Variants in ACSL3 observed in about 807,000 individuals in gnomAD.
ACSL3 encodes the protein acyl-CoA synthetase long chain family member 3, also known as fatty acid CoA ligase Acsl3.
ACSL3 carries 34 observed loss-of-function variants against 84.7 expected under a neutral mutation model. The observed-to-expected ratio is 0.40, with a 90% confidence interval of 0.31 to 0.53. The LOEUF is 0.53. Ranked by LOEUF, ACSL3 falls within the 20% of genes least tolerant of loss-of-function variation. The pLI, the probability that ACSL3 is intolerant of heterozygous loss-of-function variation, is 0.48. For synonymous variants in ACSL3, 315 were observed against 299.4 expected, an observed-to-expected ratio of 1.05 and a Z score of -0.54; for missense variants, 680 against 873.1, an observed-to-expected ratio of 0.78 and a Z score of 2.79.
chr2:222,937,671 T>C (rs1697209885), intron 16 of ACSL3, among the ~76,000 whole-genome samples: 1 of 152,178 alleles, frequency 6.6e-6, no homozygotes, highest in South Asian at 2.1e-4. Context: ...TCCTTCACTT[T>C]AGGTTACGCA....
At chr2:222,870,339 GTC>G (rs1293487707) in intron 1 of ACSL3, among the ~76,000 whole-genome samples, 1 of 152,112 alleles carries the variant, frequency 6.6e-6, no homozygotes, top group African/African-American at 2.4e-5. Flanking sequence ...GTTTGCATGA[GTC>G]TCTTCCTCTT....
chr2:222,889,053 A>C (rs1010018158), intron 2 of ACSL3, among the ~76,000 whole-genome samples: 1 of 152,252 alleles, frequency 6.6e-6, no homozygotes, highest in African/African-American at 2.4e-5. Flanking sequence ...CTAAGAATGC[A>C]TCAAGAGAGT....
intron 3 of ACSL3, 63 bp downstream of exon 3, chr2:222,900,843 C>CAGATAGTT (rs1696125316): frequency 6.6e-6 from 1 of 152,354 alleles, no homozygotes; most frequent in East Asian, 1.9e-4. Context: ...GCTGCCTTCA[C>CAGATAGTT]ATTGTCTTCT....
chr2:222,923,057 T>A (rs1696782733), intron 9 of ACSL3, 21 bp from the exon 10 acceptor site: 5 of 1,586,880 alleles, frequency 3.2e-6, no homozygotes, highest in East Asian at 2.2e-5. Context: ...TTTATATGGA[T>A]CACTTTTTCT....
intron 1 of ACSL3, among the ~76,000 whole-genome samples, chr2:222,864,117 A>G (rs1222224816): frequency 6.6e-6 from 1 of 152,234 alleles, no homozygotes; most frequent in African/African-American, 2.4e-5. Flanking sequence ...AAGAGGTGCT[A>G]AGTGATTACT....
At chr2:222,862,944 C>G (rs531100710) in intron 1 of ACSL3, among the ~76,000 whole-genome samples, 97 of 152,298 alleles carry the variant, frequency 6.4e-4, no homozygotes, top group African/African-American at 2.3e-3. Context: ...GAAAATCATC[C>G]TCTGTCTGGT....
At chr2:222,901,947 A>AG (rs1217286204) in intron 3 of ACSL3, among the ~76,000 whole-genome samples, 1 of 36,386 alleles carries the variant, frequency 2.7e-5, no homozygotes, top group Non-Finnish European at 4.3e-5. Flanking sequence ...CGGTCTCAAA[A>AG]AAAAAAAAAA....
rs768870128 is a variant in ACSL3 at position 222,922,701 on chromosome 2, C to G, written c.957-7C>G. 9 of 1,613,710 alleles carry G rather than the reference C, an allele frequency of 5.6e-6. No homozygotes were observed. The South Asian group carries it at 7.7e-5, about 14-fold the overall frequency. On this transcript the variant is annotated splice_polypyrimidine_tract_variant and splice_region_variant and intron_variant, in intron 8 of 16. Transcript: ENST00000357430. Reference sequence around the variant, plus strand: ...CTTTTGTTTCTGACGTCTCCCTTTTCTTTTAGAGAGGAAGATGTCTACATT... The same window carrying G: ...CTTTTGTTTCTGACGTCTCCCTTTTGTTTTAGAGAGGAAGATGTCTACATT...
intron 3 of ACSL3, among the ~76,000 whole-genome samples, chr2:222,901,292 A>T (rs535475995): frequency 6.6e-6 from 1 of 152,184 alleles, no homozygotes; most frequent in East Asian, 1.9e-4. Flanking sequence ...TTATTTCAGT[A>T]CCATTTGTTG....
intron 1 of ACSL3, among the ~76,000 whole-genome samples, chr2:222,876,332 T>G (rs886694119): frequency 7.9e-5 from 12 of 152,150 alleles, no homozygotes; most frequent in Admixed American, 2.0e-4. Context: ...TTGTTTGTTT[T>G]TTTGTTTTTT....
intron 6 of ACSL3, among the ~76,000 whole-genome samples, chr2:222,918,424 A>G (rs1190798058): frequency 6.6e-6 from 1 of 151,660 alleles, no homozygotes; most frequent in Non-Finnish European, 1.5e-5. Context: ...GTGCTCATCT[A>G]TTTTCTAGTT....
At chr2:222,871,288 C>A (rs539860068) in intron 1 of ACSL3, among the ~76,000 whole-genome samples, 1 of 152,062 alleles carries the variant, frequency 6.6e-6, no homozygotes, top group Non-Finnish European at 1.5e-5. Context: ...AAGGAGAATT[C>A]AGTTAAAAAA....
chr2:222,884,143 A>G (rs532015507), intron 1 of ACSL3, among the ~76,000 whole-genome samples: 1 of 152,292 alleles, frequency 6.6e-6, no homozygotes, highest in African/African-American at 2.4e-5. Flanking sequence ...CTGGATTTTG[A>G]ATTTTTAAAT....
intron 1 of ACSL3, among the ~76,000 whole-genome samples, chr2:222,863,894 A>G (rs1342960305): frequency 2.0e-5 from 3 of 152,242 alleles, no homozygotes. Flanking sequence ...ACCATGTGGC[A>G]TAAATAAAAA....
rs1379784981 is a variant in ACSL3 at position 222,923,128 on chromosome 2, A to G, written c.1131A>G (p.Pro377=). The G allele has an allele frequency of 2.5e-6, 4 of 1,613,870 alleles. No homozygotes were observed. The highest frequency in any genetic ancestry group is 3.4e-6 in the Non-Finnish European group (4 of 1,179,892). Residue 377 remains proline, a synonymous_variant, in exon 10 of 17, where the codon CCA becomes CCG. Transcript: ENST00000357430. ...AAGGGGATACATCCATGTTGAAACCAACACTGATGGCAGCAGTTCCGGTAA... is the reference window on the plus strand; with the variant it reads ...AAGGGGATACATCCATGTTGAAACCGACACTGATGGCAGCAGTTCCGGTAA... ...GSKGDTSMLK[P]TLMAAVPEIM... is the part of the protein sequence containing the mutation.
At chr2:222,866,751 C>T (rs1695155422) in intron 1 of ACSL3, among the ~76,000 whole-genome samples, 1 of 52,814 alleles carries the variant, frequency 1.9e-5, no homozygotes, top group Admixed American at 1.9e-4. Context: ...CCTGCCCCCC[C>T]CGCCCCCCCC....
intron 4 of ACSL3, among the ~76,000 whole-genome samples, chr2:222,913,791 C>T (rs867849507): frequency 2.6e-5 from 4 of 152,176 alleles, no homozygotes; most frequent in African/African-American, 4.8e-5. Context: ...TTATTAGTTA[C>T]ATGATTTTGA....
In ACSL3 at chr2:222,943,748, TAAAAA is replaced by T. The variant is rs1697387536; in HGVS notation, c.*2096_*2100del. 1 of 152,034 alleles carries T rather than the reference TAAAAA, an allele frequency of 6.6e-6. No individual in the cohort carries two copies. The highest frequency in any genetic ancestry group is 6.6e-5 in the Admixed American group (1 of 15,256). The allele number at this position is 152,034 out of a possible 1,614,324, so 9.4% of individuals were successfully genotyped here. ...GTAAGCAAAACTATCTTTAGTGACT[TAAAAA>T]ATAATATCCTCTAAAATTACCCTTT... On this transcript the variant is annotated 3_prime_UTR_variant, in exon 17 of 17. Transcript: ENST00000357430.
intron 1 of ACSL3, among the ~76,000 whole-genome samples, chr2:222,876,175 G>A (rs1353375241): frequency 6.6e-6 from 1 of 152,164 alleles, no homozygotes; most frequent in Non-Finnish European, 1.5e-5. Context: ...AATAAGCAGG[G>A]GAAGGAGCAA....
Sources: gnomAD v4.1 joint callset for allele counts (sites outside exome capture counted in the v4.1 genomes callset) on GRCh38, gnomAD v4.1.1 for gene constraint, MANE v1.5 for transcripts, NCBI Gene and HGNC (gene_info 2026-07-23, HGNC 2026-07-21) for gene names.